ABHD14B: variants seen among roughly 807,000 people sequenced by gnomAD.
The protein encoded by ABHD14B is abhydrolase domain containing 14B, also known as putative protein-lysine deacylase ABHD14B.
ABHD14B carries 19 observed loss-of-function variants against 15.4 expected under a neutral mutation model. The observed-to-expected ratio is 1.23, with a 90% confidence interval of 0.86 to 1.81. The LOEUF (loss-of-function observed/expected upper bound fraction) is 1.81. ABHD14B is among the 40% of genes most tolerant of loss of function. ABHD14B has a pLI of 0.00. For missense variants in ABHD14B, 243 were observed against 267.0 expected (o/e 0.91, Z 0.63); for synonymous variants, 92 against 117.3 (o/e 0.78, Z 1.39).
intron 1 of ABHD14B, 142 bp downstream of exon 1, chr3:51,973,823 C>G (rs1333967995): frequency 7.8e-7 from 1 of 1,289,272 alleles, no homozygotes; most frequent in South Asian, 1.2e-5. Context: ...TTCTGGCTCG[C>G]TAGCTCTGGA....
intron 1 of ABHD14B, 57 bp from the exon 2 acceptor site, chr3:51,971,755 G>GT: frequency 6.5e-7 from 1 of 1,528,640 alleles, no homozygotes; most frequent in Non-Finnish European, 8.8e-7. Context: ...CAGGGTGGCA[G>GT]TCCCAGAGGA....
Position 51,973,994 on chromosome 3 carries a change from G to C in ABHD14B, c.-58C>G. On this transcript the variant is annotated 5_prime_UTR_variant, in exon 1 of 4. Coordinates refer to ENST00000361143, the MANE Select transcript of ABHD14B (RefSeq NM_001146314.2). ...GGAGCTGCGTGGACTCGCGCAGACG[G>C]GAAGCAGGCGCGTGCTGGCGGTGAC... 1.6e-6 allele frequency: 2 copies of C among 1,289,320 alleles called. No homozygotes were observed. Among genetic ancestry groups the C allele is most frequent in the Non-Finnish European group, 2.0e-6 (2 of 988,854 alleles). The allele number at this position is 1,289,320 out of a possible 1,614,324, so 79.9% of individuals were successfully genotyped here. A position where few individuals can be genotyped will look rare whatever the true frequency, so the allele number is the denominator to read the frequency against.
chr3:51,970,421 G>C (rs1219800255), intron 2 of ABHD14B, among the ~76,000 whole-genome samples: 1 of 152,228 alleles, frequency 6.6e-6, no homozygotes, highest in Non-Finnish European at 1.5e-5. Flanking sequence ...GTCCTGGAGA[G>C]AATCAGGCTC....
At chr3:51,970,777 G>A (rs1055909164) in intron 2 of ABHD14B, 4 of 456,446 alleles carry the variant, frequency 8.8e-6, no homozygotes, top group Non-Finnish European at 1.8e-5. Flanking sequence ...CAGGAGGCTC[G>A]CCCTTGAGCC....
At chr3:51,974,119 G>T, upstream of ABHD14B, 1 of 1,151,470 alleles carries the variant, frequency 8.7e-7, no homozygotes, top group Non-Finnish European at 1.1e-6. Context: ...CCACAAGCTC[G>T]CAGCGTCCAT....
At chr3:51,970,736 C>A in intron 2 of ABHD14B, 1 of 456,846 alleles carries the variant, frequency 2.2e-6, no homozygotes. Context: ...AAGCTCAAGC[C>A]AACCCACCAT....
chr3:51,971,878 C>A, intron 1 of ABHD14B, 180 bp from the exon 2 acceptor site: 1 of 1,245,586 alleles, frequency 8.0e-7, no homozygotes, highest in Non-Finnish European at 1.0e-6. Context: ...TAACCTGGGG[C>A]CTCAGCTTCT....
intron 2 of ABHD14B, chr3:51,970,620 G>C (rs1196808472): frequency 2.2e-6 from 1 of 460,064 alleles, no homozygotes; most frequent in East Asian, 6.9e-5. Flanking sequence ...CCCTGGATTG[G>C]GACAAGAGAG....
chr3:51,971,294 G>T, intron 2 of ABHD14B, 166 bp downstream of exon 2: 1 of 727,430 alleles, frequency 1.4e-6, no homozygotes, highest in Non-Finnish European at 2.2e-6. Flanking sequence ...GGCCCTTGCA[G>T]TGTGCTTGAC....
chr3:51,971,809 T>C, intron 1 of ABHD14B, 111 bp from the exon 2 acceptor site: 3 of 1,441,442 alleles, frequency 2.1e-6, no homozygotes, highest in Admixed American at 2.7e-5. Context: ...TTTAAGAACA[T>C]GCCTTGGGGT....
Position 51,970,184 on chromosome 3 carries a change from C to A in ABHD14B, c.212G>T (p.Gly71Val). The A allele has an allele frequency of 6.6e-7, 1 of 1,524,992 alleles. No individual in the cohort carries two copies. Among genetic ancestry groups the A allele is most frequent in the Non-Finnish European group, 8.8e-7 (1 of 1,139,794 alleles). The allele number at this position is 1,524,992 out of a possible 1,614,324, so 94.5% of individuals were successfully genotyped here. ...GYRAVAIDLP[G>V]LGHSKEAAAP... ...TGCTGCTTCCTTGGAGTGCCCCAGACCTGCAGGGATTCAGGTGTGAAAGAG... is the reference window on the plus strand; with the variant it reads ...TGCTGCTTCCTTGGAGTGCCCCAGAACTGCAGGGATTCAGGTGTGAAAGAG... The change falls in exon 3 of 4, where the codon GGT becomes GTT. Residue 71 changes from glycine to valine, a missense_variant and splice_region_variant. By Grantham distance (109) the Gly-to-Val change is moderately radical (BLOSUM62 -3). Transcript: ENST00000361143.
chr3:51,969,764 C>G (rs1387993108), intron 3 of ABHD14B, 159 bp from the exon 4 acceptor site: 1 of 1,397,058 alleles, frequency 7.2e-7, no homozygotes, highest in South Asian at 1.3e-5. Context: ...TGCCCCAGAA[C>G]ACAGTTTAGC....
At position 51,970,538 on chromosome 3, in the gene ABHD14B, G is replaced by C. The variant is rs1577708806; in HGVS notation, c.212-354C>G. On this transcript the variant is annotated intron_variant, in intron 2 of 3. Transcript: ENST00000361143. ...TCTCAGCTGCTCAGTTTCCCCATCT[G>C]TTAAAGGGGGATAACAAAAGTATCT... 1.1e-5 allele frequency: 6 copies of C among 535,236 alleles called. No homozygotes were observed. The East Asian group carries it at 2.8e-4, about 25-fold the overall frequency. 33.2% of individuals were successfully genotyped at this position (535,236 alleles called of 1,614,324 possible). A position where few individuals can be genotyped will look rare whatever the true frequency, so the allele number is the denominator to read the frequency against.
In ABHD14B at chr3:51,971,915, C is replaced by T. The variant is rs187829180; in HGVS notation, c.-28-217G>A. ...GATCTGAAATATGGGAACAATAAAG[C>T]CAACTTCAAGAATTAGCAATTTAAT... On this transcript the variant is annotated intron_variant, in intron 1 of 3. Transcript: ENST00000361143. 37 of 961,272 alleles carry T rather than the reference C, an allele frequency of 3.8e-5. No individual in the cohort carries two copies. In the East Asian group the frequency reaches 8.1e-4, roughly 21 times the overall value. 59.5% of individuals were successfully genotyped at this position (961,272 alleles called of 1,614,324 possible).
At chr3:51,970,728 G>A in intron 2 of ABHD14B, 1 of 456,870 alleles carries the variant, frequency 2.2e-6, no homozygotes, top group Non-Finnish European at 4.4e-6. Flanking sequence ...TCACCCTGAA[G>A]CTCAAGCCAA....
rs1277793127 is a variant in ABHD14B at position 51,971,493 on chromosome 3, C to A, written c.178G>T (p.Ala60Ser). The A allele has an allele frequency of 1.2e-6, 2 of 1,602,206 alleles. No individual in the cohort carries two copies. Among genetic ancestry groups the A allele is most frequent in the African/African-American group, 2.7e-5 (2 of 74,428 alleles). Residue 60 changes from alanine (A) to serine (S), a missense_variant, in exon 2 of 4, where the codon GCT (alanine) becomes TCT (serine). Transcript: ENST00000361143. ...NLGTLHRLAQ[A>S]GYRAVAIDLP... ...TCAATGGCCACAGCCCGGTAGCCAGCCTGGGCCAGCCTGTGCAGTGTACCC... is the reference window on the plus strand; with the variant it reads ...TCAATGGCCACAGCCCGGTAGCCAGACTGGGCCAGCCTGTGCAGTGTACCC...
intron 2 of ABHD14B, 123 bp from the exon 3 acceptor site, chr3:51,970,307 C>A: frequency 7.8e-7 from 1 of 1,279,884 alleles, no homozygotes; most frequent in Non-Finnish European, 1.1e-6. Flanking sequence ...TCCTGTAACA[C>A]CCAGTGTGCC....
At chr3:51,973,516 TTTC>T (rs1408164469) in intron 1 of ABHD14B, among the ~76,000 whole-genome samples, 2 of 151,198 alleles carry the variant, frequency 1.3e-5, no homozygotes, top group Non-Finnish European at 2.9e-5. Context: ...TTTTTTTTTT[TTTC>T]TTTTTTTTTT....
chr3:51,973,920 AT>A, intron 1 of ABHD14B, 44 bp downstream of exon 1: 1 of 1,289,732 alleles, frequency 7.8e-7, no homozygotes, highest in Admixed American at 2.3e-5. Flanking sequence ...GTGGGGTTGG[AT>A]TTTGACTGGA....
Sources: gnomAD v4.1 joint callset for allele counts (sites outside exome capture counted in the v4.1 genomes callset) on GRCh38, gnomAD v4.1.1 for gene constraint, MANE v1.5 for transcripts, NCBI Gene and HGNC (gene_info 2026-07-23, HGNC 2026-07-21) for gene names.